Variants in CEP112 observed in about 807,000 individuals in gnomAD.
The protein encoded by CEP112 is centrosomal protein 112.
CEP112 carries 127 observed loss-of-function variants against 153.0 expected under a neutral mutation model. The ratio of observed to expected loss-of-function variants is 0.83; its 90% CI spans 0.72 to 0.96. CEP112 has a LOEUF of 0.96. Ranked by LOEUF, CEP112 falls within the 40% of genes least tolerant of loss-of-function variation. The pLI is 0.00. For missense variants in CEP112, 1,089 were observed against 1,101.2 expected (o/e 0.99, Z 0.16); for synonymous variants, 358 against 374.4 (o/e 0.96, Z 0.51).
At chr17:65,858,720 A>C (rs1256487999) in intron 20 of CEP112, among the ~76,000 whole-genome samples, 1 of 152,216 alleles carries the variant, frequency 6.6e-6, no homozygotes, top group Non-Finnish European at 1.5e-5. Flanking sequence ...AATAAATGGC[A>C]GGTTAAGTGT....
intron 2 of CEP112, 64 bp from the exon 3 acceptor site, chr17:66,177,084 G>GT: frequency 1.5e-6 from 2 of 1,299,968 alleles, no homozygotes; most frequent in South Asian, 2.9e-5. Flanking sequence ...CAATTACAAA[G>GT]ACCTATAATA....
At chr17:65,860,245 T>G (rs1006852790) in intron 20 of CEP112, among the ~76,000 whole-genome samples, 2 of 152,064 alleles carry the variant, frequency 1.3e-5, no homozygotes, top group Admixed American at 1.3e-4. Context: ...TATCAAAAGA[T>G]GTGCAAAACC....
chr17:65,721,232 G>C (rs191373542), intron 23 of CEP112, among the ~76,000 whole-genome samples: 5 of 152,122 alleles, frequency 3.3e-5, no homozygotes, highest in East Asian at 3.9e-4. Context: ...GGATGGTCTC[G>C]ATCTCCTGAT....
chr17:66,048,938 C>G (rs1322107985), intron 12 of CEP112, among the ~76,000 whole-genome samples: 1 of 152,162 alleles, frequency 6.6e-6, no homozygotes, highest in East Asian at 1.9e-4. Context: ...AAGACTTATA[C>G]ATTTGACTAA....
intron 24 of CEP112, among the ~76,000 whole-genome samples, chr17:65,674,845 C>T (rs1023057462): frequency 2.6e-5 from 4 of 152,270 alleles, no homozygotes; most frequent in African/African-American, 9.6e-5. Context: ...AGAAGCAAGA[C>T]AACATGCCAA....
intron 21 of CEP112, among the ~76,000 whole-genome samples, chr17:65,771,750 C>T (rs1037556436): frequency 4.6e-5 from 7 of 152,080 alleles, no homozygotes; most frequent in African/African-American, 9.7e-5. Flanking sequence ...CATGGTAGCT[C>T]ATGTCTATAA....
At chr17:65,922,096 A>T (rs1479973460) in intron 19 of CEP112, among the ~76,000 whole-genome samples, 1 of 152,136 alleles carries the variant, frequency 6.6e-6, no homozygotes, top group African/African-American at 2.4e-5. Context: ...TGCCACTAGC[A>T]TGTATAAAAG....
At chr17:65,742,997 T>G in intron 23 of CEP112, 71 bp downstream of exon 23, 1 of 1,287,288 alleles carries the variant, frequency 7.8e-7, no homozygotes, top group South Asian at 1.6e-5. Flanking sequence ...TGCCCACTGC[T>G]GGGATTTCAG....
chr17:66,113,545 C>A (rs974000648), intron 6 of CEP112, among the ~76,000 whole-genome samples: 2 of 152,192 alleles, frequency 1.3e-5, no homozygotes, highest in African/African-American at 4.8e-5. Flanking sequence ...AATATTGGTT[C>A]AGCTAATTAC....
chr17:65,660,386 CCTCCCTCCCTCCCTTCCTTT>C (rs1364845429), intron 24 of CEP112, among the ~76,000 whole-genome samples: 1 of 115,864 alleles, frequency 8.6e-6, no homozygotes, highest in Non-Finnish European at 1.7e-5. Context: ...TTCCTTCCTT[CCTCCCTCCCTCCCTTCCTTT>C]CTCCCTCCCA....
chr17:65,733,458 T>G (rs1471851538), intron 23 of CEP112, among the ~76,000 whole-genome samples: 9 of 151,840 alleles, frequency 5.9e-5, no homozygotes, highest in Admixed American at 5.9e-4. Context: ...TGACACAGAG[T>G]TGCCACAAAC....
intron 20 of CEP112, among the ~76,000 whole-genome samples, chr17:65,896,983 T>C (rs1022530792): frequency 6.6e-5 from 10 of 152,094 alleles, no homozygotes; most frequent in African/African-American, 2.4e-4. Context: ...TTAAACTTTG[T>C]ACATTGCAGT....
At chr17:65,837,244 G>A (rs1384496455) in intron 21 of CEP112, among the ~76,000 whole-genome samples, 1 of 151,994 alleles carries the variant, frequency 6.6e-6, no homozygotes, top group Admixed American at 6.5e-5. Context: ...GAAGTGAGGA[G>A]CGTCTCTGCC....
intron 18 of CEP112, among the ~76,000 whole-genome samples, chr17:65,937,018 G>A (rs910760474): frequency 6.7e-6 from 1 of 149,504 alleles, no homozygotes; most frequent in Non-Finnish European, 1.5e-5. Context: ...GGGTTTCGCT[G>A]TGTTGGCCGG....
intron 19 of CEP112, among the ~76,000 whole-genome samples, chr17:65,921,751 T>C (rs887108799): frequency 3.9e-5 from 6 of 152,218 alleles, no homozygotes; most frequent in Non-Finnish European, 8.8e-5. Context: ...ATAGTATCAA[T>C]TCTTTAAAGA....
intron 16 of CEP112, among the ~76,000 whole-genome samples, chr17:66,014,798 C>A (rs1203939548): frequency 6.6e-6 from 1 of 152,206 alleles, no homozygotes; most frequent in Non-Finnish European, 1.5e-5. Context: ...CTCCCTCTGT[C>A]CACTCTCAGT....
chr17:65,891,966 T>C (rs2059483114), intron 20 of CEP112, among the ~76,000 whole-genome samples: 1 of 152,216 alleles, frequency 6.6e-6, no homozygotes, highest in Non-Finnish European at 1.5e-5. Context: ...TCAATTTTAA[T>C]TCTCCACCTA....
At chr17:65,881,443 T>A (rs1025206060) in intron 20 of CEP112, among the ~76,000 whole-genome samples, 1 of 152,134 alleles carries the variant, frequency 6.6e-6, no homozygotes, top group African/African-American at 2.4e-5. Context: ...CATACATTCA[T>A]GTTGCATGTT....
Position 66,096,652 on chromosome 17 carries a change from A to G in CEP112, c.643-20T>C. Reference sequence around the variant, plus strand: ...TTCTATCTGAAAATTTAAAAATAAAACAAAATAAGGATTTATTAATTTTGG... The same window carrying G: ...TTCTATCTGAAAATTTAAAAATAAAGCAAAATAAGGATTTATTAATTTTGG... On this transcript the variant is annotated intron_variant, in intron 6 of 26. Coordinates refer to ENST00000535342, the MANE Select transcript of CEP112 (RefSeq NM_001199165.4). 4.7e-6 allele frequency: 7 copies of G among 1,476,308 alleles called. No homozygotes were observed. Among genetic ancestry groups the G allele is most frequent in the Non-Finnish European group, 5.6e-6 (6 of 1,066,444 alleles). The allele number at this position is 1,476,308 out of a possible 1,614,324, so 91.5% of individuals were successfully genotyped here.
Sources: allele counts gnomAD v4.1 joint callset (sites outside exome capture counted in the v4.1 genomes callset), GRCh38; gene constraint gnomAD v4.1.1; transcripts MANE v1.5; gene names NCBI Gene and HGNC (gene_info 2026-07-23, HGNC 2026-07-21).